Variants in CSMD1 observed in about 807,000 individuals in gnomAD.
CSMD1 encodes the protein CUB and Sushi multiple domains 1, also known as CUB and sushi domain-containing protein 1.
Under a neutral mutation model 417.5 loss-of-function variants are expected in CSMD1, and 213 were observed. The ratio of observed to expected loss-of-function variants is 0.51; its 90% CI spans 0.46 to 0.57. The LOEUF is 0.57. Among genes scored for constraint, CSMD1 ranks in the 20% least tolerant of loss-of-function variants. CSMD1 has a pLI of 0.00. For missense variants in CSMD1, 6,923 were observed against 4,529.7 expected, an observed-to-expected ratio of 1.53 and a Z score of -15.17; for synonymous variants, 2,862 against 1,736.8, an observed-to-expected ratio of 1.65 and a Z score of -16.11.
At chr8:4,385,995 T>C (rs868649759) in intron 3 of CSMD1, among the ~76,000 whole-genome samples, 27 of 151,388 alleles carry the variant, frequency 1.8e-4, no homozygotes, top group Admixed American at 1.6e-3. Flanking sequence ...ATTTCCTCTG[T>C]TTCATTTTAA....
chr8:4,406,423 C>A (rs937363875), intron 3 of CSMD1, among the ~76,000 whole-genome samples: 4 of 152,108 alleles, frequency 2.6e-5, no homozygotes, highest in African/African-American at 9.7e-5. Context: ...AAAAATGATA[C>A]CCCAAGAGCC....
chr8:4,486,378 T>C (rs997397440), intron 2 of CSMD1, among the ~76,000 whole-genome samples: 1 of 150,674 alleles, frequency 6.6e-6, no homozygotes, highest in African/African-American at 2.4e-5. Context: ...CATGTATATC[T>C]CCTTCTCATT....
At chr8:3,892,670 T>TGAA (rs1358788830) in intron 5 of CSMD1, among the ~76,000 whole-genome samples, 13 of 151,440 alleles carry the variant, frequency 8.6e-5, no homozygotes, top group Non-Finnish European at 1.9e-4. Context: ...GGAGACTGGG[T>TGAA]TCAAGGTGAA....
chr8:3,758,751 G>A (rs1334124292), intron 5 of CSMD1, among the ~76,000 whole-genome samples: 1 of 152,162 alleles, frequency 6.6e-6, no homozygotes, highest in East Asian at 1.9e-4. Flanking sequence ...CCGAGGTCCT[G>A]CTCTCTGGAG....
intron 2 of CSMD1, among the ~76,000 whole-genome samples, chr8:4,469,069 A>G (rs1011329095): frequency 1.3e-5 from 2 of 152,180 alleles, no homozygotes; most frequent in Admixed American, 6.5e-5. Context: ...CAAGAGCACA[A>G]TTGTGTCTTA....
chr8:3,377,020 C>G (rs185488624), intron 18 of CSMD1, among the ~76,000 whole-genome samples: 2 of 152,144 alleles, frequency 1.3e-5, no homozygotes, highest in Non-Finnish European at 2.9e-5. Flanking sequence ...ATAGCTCTTT[C>G]TTTGTGGAGA....
At chr8:3,371,277 C>G (rs1026314670) in intron 18 of CSMD1, among the ~76,000 whole-genome samples, 1 of 152,284 alleles carries the variant, frequency 6.6e-6, no homozygotes. Flanking sequence ...CATCCACTTA[C>G]TAGTTAGTAA....
rs79842829 is a variant in CSMD1, at chr8:4,366,606, T to G, written c.415+53347A>C. 1.0e-2 allele frequency among the ~76,000 whole-genome samples: 1,522 copies of G among 152,328 alleles called. 70 individuals carry two copies. Among genetic ancestry groups the G allele is most frequent in the Admixed American group, 0.077 (1,178 of 15,302 alleles). On this transcript the variant is annotated intron_variant, in intron 3 of 69. Transcript: ENST00000635120. ...CCAGCATCTGTTGTTTTTTTTGCTT[T>G]TTATTAACAGCAATTTTGACTCATG...
chr8:2,997,048 G>C (rs1390629340), intron 54 of CSMD1, among the ~76,000 whole-genome samples: 1 of 152,218 alleles, frequency 6.6e-6, no homozygotes, highest in Non-Finnish European at 1.5e-5. Context: ...GCTCGGCGGA[G>C]GCAGGGGCAC....
At chr8:3,955,276 G>C (rs1008178440) in intron 5 of CSMD1, among the ~76,000 whole-genome samples, 1 of 152,226 alleles carries the variant, frequency 6.6e-6, no homozygotes, top group Non-Finnish European at 1.5e-5. Context: ...ATGCAAAAGA[G>C]GCATGCAGTG....
chr8:3,098,726 C>A (rs781643978), intron 46 of CSMD1, among the ~76,000 whole-genome samples: 7 of 152,154 alleles, frequency 4.6e-5, no homozygotes, highest in Non-Finnish European at 7.4e-5. Context: ...AATTAGGGTC[C>A]GTGCCTGTGT....
At chr8:3,323,901 T>A (rs75216556) in intron 23 of CSMD1, among the ~76,000 whole-genome samples, 5 of 127,300 alleles carry the variant, frequency 3.9e-5, no homozygotes, top group South Asian at 2.8e-4. Context: ...TCACCCCACC[T>A]TTCATCATTG....
At chr8:4,482,502 G>A (rs889959274) in intron 2 of CSMD1, among the ~76,000 whole-genome samples, 2 of 152,144 alleles carry the variant, frequency 1.3e-5, no homozygotes, top group African/African-American at 2.4e-5. Context: ...TTATTGATGG[G>A]CATTTAGGTT....
intron 1 of CSMD1, among the ~76,000 whole-genome samples, chr8:4,716,180 G>A (rs940073843): frequency 6.6e-6 from 1 of 152,166 alleles, no homozygotes; most frequent in Non-Finnish European, 1.5e-5. Context: ...GAATCCCCCT[G>A]AGCAGGCGCC....
intron 1 of CSMD1, among the ~76,000 whole-genome samples, chr8:4,841,728 T>C (rs1348781108): frequency 6.6e-6 from 1 of 151,652 alleles, no homozygotes; most frequent in Non-Finnish European, 1.5e-5. Context: ...CTGACCAACA[T>C]GGTGAAACCC....
intron 1 of CSMD1, among the ~76,000 whole-genome samples, chr8:4,819,557 C>T (rs544780885): frequency 6.6e-6 from 1 of 152,120 alleles, no homozygotes; most frequent in Admixed American, 6.6e-5. Context: ...ATTTTGATGA[C>T]TGTCTCATAA....
chr8:4,733,355 A>G (rs1444131092), intron 1 of CSMD1, among the ~76,000 whole-genome samples: 1 of 152,192 alleles, frequency 6.6e-6, no homozygotes, highest in Non-Finnish European at 1.5e-5. Flanking sequence ...CTCTAACAAG[A>G]GCCTTTTACC....
chr8:3,028,097 G>T (rs1288342180), intron 51 of CSMD1, among the ~76,000 whole-genome samples: 5 of 152,206 alleles, frequency 3.3e-5, no homozygotes, highest in Non-Finnish European at 7.3e-5. Flanking sequence ...GTACTGCGCT[G>T]TGCCAGCCGC....
At chr8:4,257,417 T>C (rs1585110059) in intron 3 of CSMD1, among the ~76,000 whole-genome samples, 1 of 149,002 alleles carries the variant, frequency 6.7e-6, no homozygotes. Context: ...ATCATGGATT[T>C]GCACTTTTCT....
Sources: allele counts gnomAD v4.1 joint callset (sites outside exome capture counted in the v4.1 genomes callset), GRCh38; gene constraint gnomAD v4.1.1; transcripts MANE v1.5; gene names NCBI Gene and HGNC (gene_info 2026-07-23, HGNC 2026-07-21).